Variants in IKZF3 observed in about 807,000 individuals in gnomAD.
The protein encoded by IKZF3 is zinc finger protein Aiolos.
IKZF3 carries 10 observed loss-of-function variants against 49.0 expected under a neutral mutation model. The ratio of observed to expected loss-of-function variants is 0.20; its 90% CI spans 0.13 to 0.35. The LOEUF (loss-of-function observed/expected upper bound fraction) is 0.35. IKZF3 is among the 10% of genes least tolerant of loss of function. The pLI is 1.00. For synonymous variants in IKZF3, 209 were observed against 228.2 expected (o/e 0.92, Z 0.76); for missense variants, 498 against 664.8 (o/e 0.75, Z 2.76).
At chr17:39,771,293 T>C (rs2060435313) in intron 7 of IKZF3, among the ~76,000 whole-genome samples, 1 of 152,198 alleles carries the variant, frequency 6.6e-6, no homozygotes, top group African/African-American at 2.4e-5. Flanking sequence ...TCAAGAAGTA[T>C]ATGCTGTGCA....
At chr17:39,769,388 G>A (rs2060378860) in intron 7 of IKZF3, among the ~76,000 whole-genome samples, 1 of 152,008 alleles carries the variant, frequency 6.6e-6, no homozygotes, top group Admixed American at 6.5e-5. Flanking sequence ...CTGACCTTAA[G>A]GCCAACCTGA....
At chr17:39,767,346 T>G (rs1280936616) in intron 7 of IKZF3, among the ~76,000 whole-genome samples, 2 of 152,052 alleles carry the variant, frequency 1.3e-5, no homozygotes, top group Non-Finnish European at 2.9e-5. Flanking sequence ...CTTCAGAGTG[T>G]GTGGGTGTTG....
intron 6 of IKZF3, 42 bp from the exon 7 acceptor site, chr17:39,777,809 T>C: frequency 6.3e-7 from 1 of 1,596,948 alleles, no homozygotes; most frequent in Non-Finnish European, 8.5e-7. Context: ...AAAGAACACA[T>C]TGGTACATGG....
chr17:39,803,896 C>A (rs953493430), intron 3 of IKZF3, among the ~76,000 whole-genome samples: 2 of 152,100 alleles, frequency 1.3e-5, no homozygotes, highest in African/African-American at 2.4e-5. Flanking sequence ...AACTGTCATC[C>A]AAATACAATT....
At chr17:39,785,380 C>A (rs527310175) in intron 6 of IKZF3, among the ~76,000 whole-genome samples, 2 of 152,134 alleles carry the variant, frequency 1.3e-5, no homozygotes, top group South Asian at 4.1e-4. Flanking sequence ...ACTTAGTTAA[C>A]CCTTTATCTT....
chr17:39,789,113 G>A (rs909763226), intron 5 of IKZF3, among the ~76,000 whole-genome samples: 2 of 152,028 alleles, frequency 1.3e-5, no homozygotes, highest in Non-Finnish European at 2.9e-5. Flanking sequence ...CATTGCACCC[G>A]GCCAGGATAT....
chr17:39,812,107 A>AAAAAC (rs1309742904), intron 3 of IKZF3, among the ~76,000 whole-genome samples: 1 of 152,226 alleles, frequency 6.6e-6, no homozygotes, highest in East Asian at 1.9e-4. Context: ...ACAGTATATT[A>AAAAAC]AAAACAAAAC....
At chr17:39,776,176 AG>A (rs1443419060) in intron 7 of IKZF3, among the ~76,000 whole-genome samples, 3 of 152,078 alleles carry the variant, frequency 2.0e-5, no homozygotes, top group South Asian at 4.1e-4. Flanking sequence ...TCTTGAGCCC[AG>A]GTGTTTGAGG....
intron 7 of IKZF3, among the ~76,000 whole-genome samples, chr17:39,772,560 G>A (rs1276879219): frequency 2.0e-5 from 3 of 152,198 alleles, no homozygotes; most frequent in African/African-American, 7.2e-5. Flanking sequence ...CTTGCAGGAG[G>A]TGGAAAACAG....
chr17:39,792,938 A>G lies in IKZF3; in HGVS notation c.164-5T>C, dbSNP rs760181964. ...CTTTCACTTTCATTGAATCATCTGC[A>G]GGGAAGAAAATGCAAGAAATGAACA... On this transcript the variant is annotated splice_polypyrimidine_tract_variant and splice_region_variant and intron_variant, in intron 3 of 7. Coordinates refer to ENST00000346872, the MANE Select transcript of IKZF3 (RefSeq NM_012481.5). The G allele has an allele frequency of 1.2e-6, 2 of 1,611,658 alleles. No homozygotes were observed. The highest frequency in any genetic ancestry group is 2.2e-5 in the East Asian group (1 of 44,862).
chr17:39,860,398 T>C (rs902259705), intron 1 of IKZF3, among the ~76,000 whole-genome samples: 9 of 152,218 alleles, frequency 5.9e-5, no homozygotes, highest in Non-Finnish European at 1.3e-4. Context: ...CGTATGCTAT[T>C]TTTATGGCAT....
At chr17:39,863,647 C>T (rs548488548) in intron 1 of IKZF3, among the ~76,000 whole-genome samples, 1 of 152,278 alleles carries the variant, frequency 6.6e-6, no homozygotes, top group Non-Finnish European at 1.5e-5. Flanking sequence ...ATTAGAAGAT[C>T]GAGTTCCAAG....
rs141690080 is a variant in IKZF3 at position 39,861,932 on chromosome 17, A to G, written c.7+2188T>C. Among the ~76,000 whole-genome samples the G allele has an allele frequency of 7.3e-4, 111 of 152,310 alleles. 3 individuals are homozygous for G. In the East Asian group the frequency reaches 0.021, roughly 29 times the overall value. On this transcript the variant is annotated intron_variant, in intron 1 of 7. Transcript: ENST00000346872. ...ATACTTAGAAAAATCTTTACTCAAT[A>G]TTGTTAAAAATAAAAATGTTTTACA...
At position 39,764,316 on chromosome 17, in the gene IKZF3, G is replaced by C. The variant is rs2060241825; in HGVS notation, c.*1474C>G. 1 of 151,998 alleles carries C rather than the reference G, an allele frequency of 6.6e-6. No individual in the cohort carries two copies. Among genetic ancestry groups the C allele is most frequent in the African/African-American group, 2.4e-5 (1 of 41,378 alleles). 9.4% of individuals were successfully genotyped at this position (151,998 alleles called of 1,614,324 possible). On this transcript the variant is annotated 3_prime_UTR_variant, in exon 8 of 8. Transcript: ENST00000346872. Reference sequence around the variant, plus strand: ...CCTATCTCTACAAAAAGAACAAAATGTAGCCAGACATGGTGGTGTGCACTT... The same window carrying C: ...CCTATCTCTACAAAAAGAACAAAATCTAGCCAGACATGGTGGTGTGCACTT...
rs1175696668 is a variant in IKZF3 at position 39,792,662 on chromosome 17, A to C, written c.424+11T>G. The C allele has an allele frequency of 2.5e-6, 4 of 1,602,578 alleles. No homozygotes were observed. Among genetic ancestry groups the C allele is most frequent in the African/African-American group, 1.3e-5 (1 of 74,462 alleles). ...GAGTTTTCAGAAGAATGAAAAAAGC[A>C]GACTATTTACCAGTATGGCTTCGCT... On this transcript the variant is annotated intron_variant, in intron 4 of 7. Transcript: ENST00000346872.
At chr17:39,818,408 C>T (rs1053048883) in intron 3 of IKZF3, among the ~76,000 whole-genome samples, 3 of 152,158 alleles carry the variant, frequency 2.0e-5, no homozygotes, top group African/African-American at 7.2e-5. Flanking sequence ...ATTGTTGACT[C>T]TCTCTCAAAA....
At chr17:39,771,031 C>G (rs1294362932) in intron 7 of IKZF3, among the ~76,000 whole-genome samples, 1 of 152,128 alleles carries the variant, frequency 6.6e-6, no homozygotes, top group African/African-American at 2.4e-5. Context: ...GAACCTAAAG[C>G]ACAAACAGTT....
intron 5 of IKZF3, among the ~76,000 whole-genome samples, chr17:39,789,347 G>A (rs1324365198): frequency 2.6e-5 from 4 of 152,070 alleles, no homozygotes; most frequent in African/African-American, 7.2e-5. Context: ...GGCGGATCAC[G>A]AGGTGAGGAG....
chr17:39,841,608 G>A (rs1162588564), intron 1 of IKZF3, among the ~76,000 whole-genome samples: 6 of 152,140 alleles, frequency 3.9e-5, no homozygotes, highest in African/African-American at 1.4e-4. Context: ...GTATTACATA[G>A]TGGAGGAATG....
Sources: allele counts gnomAD v4.1 joint callset (sites outside exome capture counted in the v4.1 genomes callset), GRCh38; gene constraint gnomAD v4.1.1; transcripts MANE v1.5; gene names NCBI Gene and HGNC (gene_info 2026-07-23, HGNC 2026-07-21).